The following RIGI variants were observed in gnomAD, a reference collection of about 807,000 sequenced individuals.
The protein encoded by RIGI is antiviral innate immune response receptor RIG-I.
the RIGI span, chr9:32,485,531 CTTTTTTTT>C: frequency 6.2e-6 from 2 of 321,380 alleles, no homozygotes; most frequent in East Asian, 8.9e-5. Flanking sequence ...TAACTAGCTT[CTTTTTTTT>C]TTTTTTTTTT....
chr9:32,483,438 A>G, the RIGI span, among the ~76,000 whole-genome samples: 2 of 152,228 alleles, frequency 1.3e-5, no homozygotes, highest in Non-Finnish European at 1.5e-5. Context: ...GGACTGGCAA[A>G]AAGGTGGAGG....
At chr9:32,463,885 A>AGTTCTT in the RIGI span, among the ~76,000 whole-genome samples, 1 of 28,970 alleles carries the variant, frequency 3.5e-5, no homozygotes, top group Admixed American at 4.0e-4. Context: ...CCTCATTCTG[A>AGTTCTT]TTTCAAATAA....
the RIGI span, among the ~76,000 whole-genome samples, chr9:32,502,117 T>C: frequency 6.7e-6 from 1 of 149,282 alleles, no homozygotes; most frequent in African/African-American, 2.4e-5. Context: ...AATCATACAA[T>C]ACATAGTCTA....
chr9:32,513,126 G>A, the RIGI span, among the ~76,000 whole-genome samples: 454 of 151,596 alleles, frequency 3.0e-3, 3 homozygotes, highest in African/African-American at 0.01. Context: ...AATCAATATC[G>A]TGAAAATGGC....
chr9:32,509,680 C>A, the RIGI span, among the ~76,000 whole-genome samples: 1 of 152,104 alleles, frequency 6.6e-6, no homozygotes, highest in Admixed American at 6.5e-5. Context: ...ATCCTCTTCT[C>A]CTCCAAAGGA....
chr9:32,484,590 C>T, the RIGI span, among the ~76,000 whole-genome samples: 2 of 152,212 alleles, frequency 1.3e-5, no homozygotes, highest in African/African-American at 4.8e-5. Flanking sequence ...TCATAACACT[C>T]ACAGTTGGAA....
chr9:32,508,510 T>G, the RIGI span, among the ~76,000 whole-genome samples: 1 of 151,806 alleles, frequency 6.6e-6, no homozygotes, highest in East Asian at 1.9e-4. Context: ...GGGAACTCCC[T>G]CCCCTAGCCA....
chr9:32,520,624 A>G, the RIGI span, among the ~76,000 whole-genome samples: 8 of 152,324 alleles, frequency 5.3e-5, no homozygotes, highest in South Asian at 8.3e-4. Flanking sequence ...AAAGGTGAGC[A>G]CGTGAGCTTG....
the RIGI span, chr9:32,477,056 A>G: frequency 8.7e-5 from 141 of 1,614,118 alleles, no homozygotes; most frequent in African/African-American, 1.6e-3. Context: ...TTCTTGTAAG[A>G]TGAAGCAGAG....
the RIGI span, among the ~76,000 whole-genome samples, chr9:32,509,638 A>T: frequency 6.6e-6 from 1 of 152,208 alleles, no homozygotes; most frequent in Non-Finnish European, 1.5e-5. Flanking sequence ...AGATGAGGAA[A>T]CGCCAGTGCA....
At chr9:32,492,442 C>T in the RIGI span, 1 of 1,614,160 alleles carries the variant, frequency 6.2e-7, no homozygotes, top group South Asian at 1.1e-5. Flanking sequence ...TTCTCCAAAG[C>T]AAGTTTCAAA....
chr9:32,489,366 G>GTTT, the RIGI span: 3 of 1,612,098 alleles, frequency 1.9e-6, no homozygotes, highest in Non-Finnish European at 1.7e-6. Context: ...ATATTATTGT[G>GTTT]TTTTTTCCTT....
At chr9:32,514,269 T>C in the RIGI span, among the ~76,000 whole-genome samples, 2 of 152,152 alleles carry the variant, frequency 1.3e-5, no homozygotes, top group African/African-American at 2.4e-5. Context: ...TAAAGACACA[T>C]GCACATGTAT....
At chr9:32,465,282 T>A in the RIGI span, among the ~76,000 whole-genome samples, 1 of 152,226 alleles carries the variant, frequency 6.6e-6, no homozygotes, top group Non-Finnish European at 1.5e-5. Flanking sequence ...GTTTTTAGAC[T>A]AGTAAACATT....
chr9:32,490,041 G>C, the RIGI span, among the ~76,000 whole-genome samples: 1 of 152,160 alleles, frequency 6.6e-6, no homozygotes, highest in African/African-American at 2.4e-5. Flanking sequence ...TTAGAGAAAG[G>C]GAGAATTTCT....
the RIGI span, chr9:32,488,888 C>A: frequency 6.3e-7 from 1 of 1,594,416 alleles, no homozygotes; most frequent in Non-Finnish European, 8.5e-7. Context: ...TTTCCACAAC[C>A]TTTTAACATG....
the RIGI span, among the ~76,000 whole-genome samples, chr9:32,472,520 G>C: frequency 6.6e-6 from 1 of 152,212 alleles, no homozygotes; most frequent in African/African-American, 2.4e-5. Context: ...CTTTAAGTCA[G>C]ATCAAAAGAG....
chr9:32,523,644 A>G, the RIGI span, among the ~76,000 whole-genome samples: 1 of 151,598 alleles, frequency 6.6e-6, no homozygotes, highest in Non-Finnish European at 1.5e-5. Context: ...CCGGATTCCT[A>G]TTTTCCTAAC....
chr9:32,499,482 A>C, the RIGI span, among the ~76,000 whole-genome samples: 9 of 151,844 alleles, frequency 5.9e-5, no homozygotes, highest in Admixed American at 5.9e-4. Context: ...TTTGAGAAGG[A>C]GTTTCACTCA....
Sources: allele counts gnomAD v4.1 joint callset (sites outside exome capture counted in the v4.1 genomes callset), GRCh38; gene constraint gnomAD v4.1.1; transcripts MANE v1.5; gene names NCBI Gene and HGNC (gene_info 2026-07-23, HGNC 2026-07-21).